The following TTC27 variants were observed in gnomAD, a reference collection of about 807,000 sequenced individuals.
TTC27 encodes the protein tetratricopeptide repeat domain 27, also known as tetratricopeptide repeat protein 27.
A neutral mutation model predicts 115.9 loss-of-function variants in TTC27; 79 were observed. The ratio of observed to expected loss-of-function variants is 0.68; its 90% confidence interval spans 0.57 to 0.82. The LOEUF (loss-of-function observed/expected upper bound fraction) is 0.82. Ranked by LOEUF, TTC27 falls within the 40% of genes least tolerant of loss-of-function variation. The probability of loss-of-function intolerance (pLI) is 0.00; values close to 1 mark genes in which losing one functional copy is unlikely to be tolerated. For missense variants in TTC27, 1,054 were observed against 993.1 expected, an observed-to-expected ratio of 1.06 and a Z score of -0.82; for synonymous variants, 401 against 356.0, an observed-to-expected ratio of 1.13 and a Z score of -1.42.
intron 16 of TTC27, among the ~76,000 whole-genome samples, chr2:32,798,629 C>T (rs529016551): frequency 7.4e-5 from 11 of 149,240 alleles, no homozygotes; most frequent in South Asian, 2.1e-4. Flanking sequence ...GGCATGAACC[C>T]GGGAGGTGGA....
rs201886763 is a variant in TTC27 at position 32,810,032 on chromosome 2, A to C, written c.1999-992A>C. ...CTTGGGAGGCTGAGGCAGGAGAATC[A>C]CTTGAGCCCGGGAGGCGGAAGTTGT... On this transcript the variant is annotated intron_variant, in intron 16 of 19. Transcript: ENST00000317907. Among the ~76,000 whole-genome samples the C allele has an allele frequency of 2.0e-5, 3 of 150,892 alleles. No individual in the cohort carries two copies. The East Asian group carries it at 5.9e-4, about 29-fold the overall frequency.
At chr2:32,685,015 C>CTTTTTTTTTTTTTTTT (rs70938361) in intron 9 of TTC27, among the ~76,000 whole-genome samples, 2 of 116,312 alleles carry the variant, frequency 1.7e-5, no homozygotes, top group South Asian at 3.0e-4. Flanking sequence ...TTGCCTTTTC[C>CTTTTTTTTTTTTTTTT]TTTTTTTTTT....
chr2:32,758,434 C>G lies in TTC27; in HGVS notation c.1595C>G (p.Ser532Cys), dbSNP rs1309310560. ...SRYRSARAQRSKALLHLRNKE... is the reference protein window; with the variant it reads ...SRYRSARAQRCKALLHLRNKE... ...TACCGCAGTGCTCGTGCTCAGCGCT[C>G]CAAAGCCCTCCTTCATCTTCGGAAC... is the stretch of plus-strand genomic sequence containing the variant. The change falls in exon 13 of 20, where the codon TCC (serine) becomes TGC (cysteine). Residue 532 changes from serine to cysteine, a missense_variant. Transcript: ENST00000317907. The G allele has an allele frequency of 3.1e-6, 5 of 1,614,068 alleles. No homozygotes were observed.
At chr2:32,795,135 A>C (rs1038936407) in intron 16 of TTC27, among the ~76,000 whole-genome samples, 2 of 150,264 alleles carry the variant, frequency 1.3e-5, no homozygotes, top group African/African-American at 4.9e-5. Flanking sequence ...ATTACAAGAA[A>C]AAAAAAAAAA....
At chr2:32,747,123 C>G (rs375153388) in intron 12 of TTC27, among the ~76,000 whole-genome samples, 2 of 152,150 alleles carry the variant, frequency 1.3e-5, no homozygotes, top group East Asian at 1.9e-4. Flanking sequence ...TGGGTAGCAA[C>G]AAGTTACACA....
chr2:32,663,632 CTATTTATGTATG>C (rs1369823771), intron 5 of TTC27, among the ~76,000 whole-genome samples: 3 of 142,312 alleles, frequency 2.1e-5, no homozygotes, highest in South Asian at 2.4e-4. Flanking sequence ...CAGCCACCCC[CTATTTATGTATG>C]TATGTATGTA....
chr2:32,800,991 C>T (rs189339053), intron 16 of TTC27, among the ~76,000 whole-genome samples: 21 of 152,274 alleles, frequency 1.4e-4, no homozygotes, highest in African/African-American at 4.1e-4. Flanking sequence ...AACTTACTCA[C>T]GTGCAAAAAT....
intron 16 of TTC27, among the ~76,000 whole-genome samples, chr2:32,799,955 C>T (rs1401848741): frequency 6.6e-6 from 1 of 152,116 alleles, no homozygotes; most frequent in Non-Finnish European, 1.5e-5. Context: ...TAGGGAAGAG[C>T]ACGTACTCTG....
chr2:32,757,486 A>G (rs1351046333), intron 12 of TTC27, among the ~76,000 whole-genome samples: 2 of 152,242 alleles, frequency 1.3e-5, no homozygotes, highest in East Asian at 3.9e-4. Context: ...TTCACTTTAT[A>G]GCACCTCACA....
intron 13 of TTC27, 130 bp from the exon 14 acceptor site, chr2:32,777,752 G>T (rs779787150): frequency 1.3e-6 from 1 of 797,444 alleles, no homozygotes; most frequent in Non-Finnish European, 2.0e-6. Flanking sequence ...TAAATGTAAG[G>T]CAAATATTTA....
chr2:32,804,374 TAAA>T (rs922297241), intron 16 of TTC27, among the ~76,000 whole-genome samples: 1 of 152,140 alleles, frequency 6.6e-6, no homozygotes, highest in African/African-American at 2.4e-5. Context: ...GGTTCAGTAA[TAAA>T]AAAGTCTTTA....
intron 10 of TTC27, among the ~76,000 whole-genome samples, chr2:32,724,169 T>G (rs992960228): frequency 6.6e-6 from 1 of 151,682 alleles, no homozygotes; most frequent in Non-Finnish European, 1.5e-5. Context: ...TGGGAGAAAA[T>G]TGGAGGTAGA....
chr2:32,800,192 T>C (rs1301516485), intron 16 of TTC27, among the ~76,000 whole-genome samples: 1 of 152,174 alleles, frequency 6.6e-6, no homozygotes, highest in East Asian at 1.9e-4. Context: ...CTGTTTTTTG[T>C]TTTTGTGTTT....
intron 5 of TTC27, among the ~76,000 whole-genome samples, chr2:32,651,823 A>G (rs949741491): frequency 1.3e-5 from 2 of 152,222 alleles, no homozygotes; most frequent in African/African-American, 4.8e-5. Flanking sequence ...ATGACCATCT[A>G]TACATAATTC....
In TTC27 at chr2:32,695,067, C is replaced by T. The variant is rs182605725; in HGVS notation, c.1120-7740C>T. Among the ~76,000 whole-genome samples the T allele has an allele frequency of 1.5e-3, 229 of 152,212 alleles. 2 individuals are homozygous for T. The highest frequency in any genetic ancestry group is 2.5e-3 in the Non-Finnish European group (172 of 68,026). On this transcript the variant is annotated intron_variant, in intron 9 of 19. Transcript: ENST00000317907. ...ATAACACAAAATGTACCATCTTAAC[C>T]ATTTTTAAGGGTACAGTTCAGTGGC...
intron 10 of TTC27, among the ~76,000 whole-genome samples, chr2:32,726,507 C>G (rs995540776): frequency 6.6e-6 from 1 of 152,210 alleles, no homozygotes; most frequent in African/African-American, 2.4e-5. Context: ...TAGTTCCCAA[C>G]AAGTTCCTCA....
intron 19 of TTC27, 45 bp from the exon 20 acceptor site, chr2:32,820,771 A>C (rs1396099167): frequency 1.7e-5 from 25 of 1,475,988 alleles, no homozygotes; most frequent in Non-Finnish European, 2.2e-5. Context: ...ATTTTAAAGA[A>C]ATTTGTGTTG....
rs565561572 is a variant in TTC27, at chr2:32,754,816, C to CGG, written c.1453-3470_1453-3469dup. On this transcript the variant is annotated intron_variant, in intron 12 of 19. Coordinates refer to ENST00000317907, the MANE Select transcript of TTC27 (RefSeq NM_017735.5). ...CTCCCGGACGGGGCGGCTGGCTGGG[C>CGG]GGGGGGGCTGACCCCCCCCACCTCC... is the stretch of plus-strand genomic sequence containing the variant. 7.0e-4 allele frequency among the ~76,000 whole-genome samples: 73 copies of CGG among 104,716 alleles called. No individual in the cohort carries two copies. In the South Asian group the frequency reaches 0.015, roughly 22 times the overall value. 68.7% of individuals were successfully genotyped at this position (104,716 alleles called of 152,430 possible). A position where few individuals can be genotyped will look rare whatever the true frequency, so the allele number is the denominator to read the frequency against.
At chr2:32,720,213 T>C (rs1667877746) in intron 10 of TTC27, among the ~76,000 whole-genome samples, 1 of 152,214 alleles carries the variant, frequency 6.6e-6, no homozygotes, top group Non-Finnish European at 1.5e-5. Context: ...CATTTATTAA[T>C]TCTATTATGC....
Sources: gnomAD v4.1 joint callset for allele counts (sites outside exome capture counted in the v4.1 genomes callset) on GRCh38, gnomAD v4.1.1 for gene constraint, MANE v1.5 for transcripts, NCBI Gene and HGNC (gene_info 2026-07-23, HGNC 2026-07-21) for gene names.